The following PGM5 variants were observed in gnomAD, a reference collection of about 807,000 sequenced individuals.
PGM5 encodes the protein phosphoglucomutase-like protein 5.
Under a neutral mutation model 59.2 loss-of-function variants are expected in PGM5, and 23 were observed. The ratio of observed to expected loss-of-function variants is 0.39; its 90% CI spans 0.28 to 0.55. The LOEUF (loss-of-function observed/expected upper bound fraction) is 0.55. Among genes scored for constraint, PGM5 ranks in the 20% least tolerant of loss-of-function variants. The probability of loss-of-function intolerance (pLI) is 0.66; values close to 1 mark genes in which losing one functional copy is unlikely to be tolerated. For synonymous variants in PGM5, 214 were observed against 286.0 expected (o/e 0.75, Z 2.54); for missense variants, 574 against 748.3 (o/e 0.77, Z 2.72).
At chr9:68,383,088 A>G (rs2480161) in intron 2 of PGM5, among the ~76,000 whole-genome samples, 1 of 150,362 alleles carries the variant, frequency 6.7e-6, no homozygotes, top group Admixed American at 6.7e-5. Context: ...TTCTTTGAGG[A>G]CTTCACTTTT....
intron 10 of PGM5, among the ~76,000 whole-genome samples, chr9:68,518,377 G>C (rs1824852668): frequency 6.6e-6 from 1 of 152,160 alleles, no homozygotes; most frequent in African/African-American, 2.4e-5. Context: ...AACAATAAAA[G>C]ATTATAAAGC....
intron 6 of PGM5, among the ~76,000 whole-genome samples, chr9:68,404,327 C>T (rs1554680931): frequency 1.3e-5 from 2 of 152,236 alleles, no homozygotes; most frequent in East Asian, 3.9e-4. Flanking sequence ...CAGGGTTTTG[C>T]CATGTTGGCC....
rs536215263 is a variant in PGM5 at position 68,367,916 on chromosome 9, A to G, written c.262-10283A>G. Among the ~76,000 whole-genome samples the G allele has an allele frequency of 1.9e-3, 291 of 151,606 alleles. 1 individual carries two copies. Among genetic ancestry groups the G allele is most frequent in the African/African-American group, 6.8e-3 (280 of 41,302 alleles). On this transcript the variant is annotated intron_variant, in intron 1 of 10. Coordinates refer to ENST00000396396, the MANE Select transcript of PGM5 (RefSeq NM_021965.4). Reference sequence around the variant, plus strand: ...GTTTTTTTGTTCTACCTATAAATGTATATGTATATTCACCTATATTCTACC... The same window carrying G: ...GTTTTTTTGTTCTACCTATAAATGTGTATGTATATTCACCTATATTCTACC...
At chr9:68,495,766 A>G (rs782685831) in intron 9 of PGM5, among the ~76,000 whole-genome samples, 8 of 152,246 alleles carry the variant, frequency 5.3e-5, no homozygotes, top group Non-Finnish European at 1.0e-4. Flanking sequence ...ATAACAATCT[A>G]CATAAACATA....
At chr9:68,417,324 C>T (rs1269315222) in intron 6 of PGM5, among the ~76,000 whole-genome samples, 1 of 152,148 alleles carries the variant, frequency 6.6e-6, no homozygotes, top group Non-Finnish European at 1.5e-5. Context: ...CAGGCTGATC[C>T]TGCTGAGAAG....
intron 6 of PGM5, chr9:68,406,470 GTAACTCAT>G (rs1822811914): frequency 6.7e-6 from 1 of 149,170 alleles, no homozygotes; most frequent in Non-Finnish European, 1.5e-5. Context: ...CACTCCCATG[GTAACTCAT>G]TAATCCACTA....
intron 10 of PGM5, among the ~76,000 whole-genome samples, chr9:68,524,932 A>T (rs1416244342): frequency 6.6e-6 from 1 of 152,198 alleles, no homozygotes; most frequent in African/African-American, 2.4e-5. Context: ...TGTGCCATGA[A>T]GAAATCAAAT....
rs782817017 is a variant in PGM5, at chr9:68,484,093, G to A, written c.1479+45G>A. ...TACAACGGGTTATCAGGCAGAACCA[G>A]TGGCCAAAATGTCCTAGAACTGGAG... is the stretch of plus-strand genomic sequence containing the variant. On this transcript the variant is annotated intron_variant, in intron 9 of 10. Transcript: ENST00000396396. 6 of 1,558,490 alleles carry A rather than the reference G, an allele frequency of 3.8e-6. No individual in the cohort carries two copies. In the South Asian group the frequency reaches 6.7e-5, roughly 17 times the overall value.
At chr9:68,480,538 C>T (rs1039342501) in intron 8 of PGM5, among the ~76,000 whole-genome samples, 3 of 152,034 alleles carry the variant, frequency 2.0e-5, no homozygotes, top group African/African-American at 7.2e-5. Flanking sequence ...AACTCTGTCT[C>T]TACTAAAAAT....
chr9:68,431,335 A>G (rs1043715582), intron 6 of PGM5, among the ~76,000 whole-genome samples: 47 of 152,314 alleles, frequency 3.1e-4, no homozygotes, highest in African/African-American at 1.1e-3. Flanking sequence ...TCTGTATCAC[A>G]GGAACCCAGG....
rs1207024645 is a variant in PGM5 at position 68,437,668 on chromosome 9, G to T, written c.1044-27425G>T. ...ACCCACAATACTTTGTAGAAATGCTGCCAGTATCTCTCTAGACTAAAAGTA... is the reference window on the plus strand; with the variant it reads ...ACCCACAATACTTTGTAGAAATGCTTCCAGTATCTCTCTAGACTAAAAGTA... On this transcript the variant is annotated intron_variant, in intron 6 of 10. Transcript: ENST00000396396. The surrounding 1 kb of genome is among the most constrained non-coding windows in gnomAD (Gnocchi z 4.1). Among the ~76,000 whole-genome samples, 8 of 151,980 alleles carry T rather than the reference G, an allele frequency of 5.3e-5. No individual in the cohort carries two copies. The highest frequency in any genetic ancestry group is 1.9e-4 in the African/African-American group (8 of 41,368).
At chr9:68,483,684 T>G (rs1427318767) in intron 8 of PGM5, among the ~76,000 whole-genome samples, 181 bp from the exon 9 acceptor site, 1 of 152,168 alleles carries the variant, frequency 6.6e-6, no homozygotes, top group Non-Finnish European at 1.5e-5. Context: ...TTTACAAGAT[T>G]ACTCTGGCCG....
chr9:68,483,751 G>A, intron 8 of PGM5, 114 bp from the exon 9 acceptor site: 1 of 837,412 alleles, frequency 1.2e-6, no homozygotes, highest in East Asian at 2.6e-5. Context: ...AGTTGAAGGT[G>A]CATTTCTGTG....
intron 6 of PGM5, among the ~76,000 whole-genome samples, chr9:68,420,155 C>G (rs1351791767): frequency 6.6e-6 from 1 of 152,194 alleles, no homozygotes; most frequent in Non-Finnish European, 1.5e-5. Context: ...CAGCTCAGCT[C>G]TCCCTCTGGG....
intron 1 of PGM5, among the ~76,000 whole-genome samples, chr9:68,367,440 C>T (rs1834700916): frequency 6.6e-6 from 1 of 152,170 alleles, no homozygotes; most frequent in South Asian, 2.1e-4. Flanking sequence ...GGCTAAGAGA[C>T]TCCACGCTAA....
intron 6 of PGM5, among the ~76,000 whole-genome samples, chr9:68,450,051 C>A (rs1421208023): frequency 1.3e-5 from 2 of 152,132 alleles, no homozygotes; most frequent in Non-Finnish European, 2.9e-5. Context: ...CATACCAGCA[C>A]CAATGTTCAA....
At chr9:68,452,446 C>T (rs782274724) in intron 6 of PGM5, among the ~76,000 whole-genome samples, 2 of 152,208 alleles carry the variant, frequency 1.3e-5, no homozygotes, top group Non-Finnish European at 2.9e-5. Flanking sequence ...GGAGTCTCTG[C>T]TTCTCCAGTT....
chr9:68,468,944 C>T (rs1311616939), intron 7 of PGM5, among the ~76,000 whole-genome samples: 1 of 152,180 alleles, frequency 6.6e-6, no homozygotes, highest in Non-Finnish European at 1.5e-5. Context: ...TGGAGATGGA[C>T]TCTTGCTCTG....
At position 68,447,101 on chromosome 9, in the gene PGM5, C is replaced by T. The variant is rs559617243; in HGVS notation, c.1044-17992C>T. ...TTTCTTTGCTACTGCAGAGTTGGTGCCTGCAAGCTCTGTGTGACTCTGAAG... is the reference window on the plus strand; with the variant it reads ...TTTCTTTGCTACTGCAGAGTTGGTGTCTGCAAGCTCTGTGTGACTCTGAAG... On this transcript the variant is annotated intron_variant, in intron 6 of 10. Coordinates refer to ENST00000396396, the MANE Select transcript of PGM5 (RefSeq NM_021965.4). Among the ~76,000 whole-genome samples the T allele has an allele frequency of 3.0e-4, 46 of 152,246 alleles. No homozygotes were observed. In the South Asian group the frequency reaches 6.6e-3, roughly 22 times the overall value.
Sources: gnomAD v4.1 joint callset for allele counts (sites outside exome capture counted in the v4.1 genomes callset) on GRCh38, gnomAD v4.1.1 for gene constraint, Gnocchi (gnomAD v3.1) non-coding constraint, MANE v1.5 for transcripts, NCBI Gene and HGNC (gene_info 2026-07-23, HGNC 2026-07-21) for gene names.